MBTPS1: variants seen among roughly 807,000 people sequenced by gnomAD.
MBTPS1 encodes membrane-bound transcription factor site-1 protease.
In MBTPS1, 94 loss-of-function variants were observed where a neutral mutation model predicts 127.8. That is an observed-to-expected ratio of 0.74 (90% confidence interval 0.62 to 0.87). The LOEUF (loss-of-function observed/expected upper bound fraction) is 0.87, where lower values mean the gene tolerates loss of function less well. MBTPS1 is among the 40% of genes least tolerant of loss of function. The pLI is 0.00. For synonymous variants in MBTPS1, 632 were observed against 509.4 expected (o/e 1.24, Z -3.24); for missense variants, 1,636 against 1,353.2 (o/e 1.21, Z -3.28).
At chr16:84,110,628 A>C (rs1270746943) in intron 1 of MBTPS1, 1 of 152,186 alleles carries the variant, frequency 6.6e-6, no homozygotes, top group Non-Finnish European at 1.5e-5. Flanking sequence ...GTCTGCAAAT[A>C]TTAACTAATT....
chr16:84,073,343 A>C (rs1480179433), intron 12 of MBTPS1, among the ~76,000 whole-genome samples: 1 of 152,138 alleles, frequency 6.6e-6, no homozygotes, highest in Non-Finnish European at 1.5e-5. Context: ...CATGTTTGCC[A>C]GGATGGTCTC....
intron 1 of MBTPS1, 28 bp downstream of exon 1, chr16:84,116,707 G>C (rs144357905): frequency 6.6e-6 from 1 of 152,026 alleles, no homozygotes; most frequent in South Asian, 2.1e-4. Flanking sequence ...AGCGGGTCGG[G>C]GAGGCCGCGC....
At chr16:84,106,472 G>C (rs147436288) in intron 1 of MBTPS1, among the ~76,000 whole-genome samples, 1 of 152,332 alleles carries the variant, frequency 6.6e-6, no homozygotes, top group East Asian at 1.9e-4. Context: ...ACAGGATCCA[G>C]GCAGTGGGAA....
chr16:84,092,154 C>G (rs1398722288), intron 6 of MBTPS1, among the ~76,000 whole-genome samples: 2 of 152,160 alleles, frequency 1.3e-5, no homozygotes, highest in African/African-American at 4.8e-5. Flanking sequence ...CCCAAGCTCC[C>G]AACCGCCCCT....
chr16:84,113,214 T>C (rs1384607255), intron 1 of MBTPS1, among the ~76,000 whole-genome samples: 1 of 152,238 alleles, frequency 6.6e-6, no homozygotes, highest in Non-Finnish European at 1.5e-5. Flanking sequence ...TTATCATTTG[T>C]AATATCACTT....
intron 3 of MBTPS1, among the ~76,000 whole-genome samples, chr16:84,097,836 T>TTGTGTGTGTG (rs1567499373): frequency 2.3e-5 from 2 of 85,248 alleles, no homozygotes; most frequent in Non-Finnish European, 5.1e-5. Flanking sequence ...AAACTTCTCT[T>TTGTGTGTGTG]CGTGTGTGTG....
intron 19 of MBTPS1, 174 bp from the exon 20 acceptor site, chr16:84,060,987 G>A (rs2085602886): frequency 1.5e-5 from 8 of 522,762 alleles, no homozygotes; most frequent in Non-Finnish European, 2.7e-5. Flanking sequence ...GCACATGACA[G>A]CATGCCCGGC....
In MBTPS1 at chr16:84,090,923, T is replaced by A; in HGVS notation, c.983A>T (p.Asn328Ile). Reference protein sequence around the residue: ...FVDKVWELTANNVIMVSAIGN... With the variant: ...FVDKVWELTAINVIMVSAIGN... ...AATAGCAGAAACCATGATTACATTGTTAGCTGTTAATTCCCACACCTACAA... is the reference window on the plus strand; with the variant it reads ...AATAGCAGAAACCATGATTACATTGATAGCTGTTAATTCCCACACCTACAA... Residue 328 changes from asparagine (N) to isoleucine (I), a missense_variant, in exon 8 of 23, where the codon AAC (asparagine) becomes ATC (isoleucine). By Grantham distance (149) the Asn-to-Ile change is moderately radical. Transcript: ENST00000343411. 1 of 1,613,210 alleles carries A rather than the reference T, an allele frequency of 6.2e-7. No homozygotes were observed. The highest frequency in any genetic ancestry group is 1.1e-5 in the South Asian group (1 of 91,020).
chr16:84,070,663 G>A lies in MBTPS1; in HGVS notation c.1707C>T (p.Thr569=), dbSNP rs757339156. 6 of 1,613,918 alleles carry A rather than the reference G, an allele frequency of 3.7e-6. No homozygotes were observed. The highest frequency in any genetic ancestry group is 5.1e-6 in the Non-Finnish European group (6 of 1,179,980). The stretch of plus-strand genomic sequence containing the variant: ...TGCCTTCCCAGGAAGCCGCTTTCTT[G>A]GTCACAGAAATGGAGATGGCCAGGT... ...SGYLAISISV[T]KKAASWEGIA... The change falls in exon 13 of 23, where the codon ACC becomes ACT. Residue 569 remains threonine (T), a synonymous_variant. Coordinates refer to ENST00000343411, the MANE Select transcript of MBTPS1 (RefSeq NM_003791.4).
chr16:84,083,656 T>C (rs1255781406), intron 10 of MBTPS1, among the ~76,000 whole-genome samples: 2 of 152,298 alleles, frequency 1.3e-5, no homozygotes, highest in South Asian at 4.1e-4. Context: ...GAAATCAATA[T>C]TCAATTTACT....
At chr16:84,085,241 G>C (rs1448977662) in intron 9 of MBTPS1, 107 bp from the exon 10 acceptor site, 12 of 1,127,654 alleles carry the variant, frequency 1.1e-5, no homozygotes, top group Middle Eastern at 2.2e-4. Context: ...GTTAAAAACT[G>C]TATAACCTTA....
chr16:84,063,525 G>C lies in MBTPS1; in HGVS notation c.2432-80C>G, dbSNP rs528092317. ...TTATTTCCTGATATTTCATCCACGTGACAAATAAACCACATTTACAAAATC... is the reference window on the plus strand; with the variant it reads ...TTATTTCCTGATATTTCATCCACGTCACAAATAAACCACATTTACAAAATC... On this transcript the variant is annotated intron_variant, in intron 18 of 22. Coordinates refer to ENST00000343411, the MANE Select transcript of MBTPS1 (RefSeq NM_003791.4). 1.6e-5 allele frequency: 22 copies of C among 1,345,524 alleles called. No homozygotes were observed. In the African/African-American group the frequency reaches 2.0e-4, roughly 12 times the overall value. The allele number at this position is 1,345,524 out of a possible 1,614,324, so 83.3% of individuals were successfully genotyped here. A position where few individuals can be genotyped will look rare whatever the true frequency, so the allele number is the denominator to read the frequency against.
chr16:84,066,667 A>G, intron 16 of MBTPS1, 54 bp from the exon 17 acceptor site: 1 of 1,565,982 alleles, frequency 6.4e-7, no homozygotes, highest in Non-Finnish European at 8.7e-7. Context: ...CACTCCATAC[A>G]CAGTTATTTA....
rs1234088868 is a variant in MBTPS1 at position 84,091,780 on chromosome 16, G to A, written c.915C>T (p.Asn305=). ...YAILKKIDVL[N]LSIGGPDFMD... Reference sequence around the variant, plus strand: ...TGAAGTCCGGGCCGCCGATGCTGAGGTTTAACACGTCGATCTTCTTTAAAA... The same window carrying A: ...TGAAGTCCGGGCCGCCGATGCTGAGATTTAACACGTCGATCTTCTTTAAAA... The change falls in exon 7 of 23, where the codon AAC becomes AAT. Residue 305 remains asparagine (N), a synonymous_variant. Coordinates refer to ENST00000343411, the MANE Select transcript of MBTPS1 (RefSeq NM_003791.4). 14 of 1,614,148 alleles carry A rather than the reference G, an allele frequency of 8.7e-6. No individual in the cohort carries two copies. The highest frequency in any genetic ancestry group is 2.2e-5 in the East Asian group (1 of 44,878).
In MBTPS1 at chr16:84,067,619, T is replaced by A. The variant is rs201017641; in HGVS notation, c.2228+48A>T. On this transcript the variant is annotated intron_variant, in intron 16 of 22. Coordinates refer to ENST00000343411, the MANE Select transcript of MBTPS1 (RefSeq NM_003791.4). The stretch of plus-strand genomic sequence containing the variant: ...CACTTAAGTATTTGCTGGGTAGAAT[T>A]TGATTCCCCAAAAGTCTTATCCAAA... 1.5e-3 allele frequency: 2,144 copies of A among 1,426,694 alleles called. 36 individuals are homozygous for A. The South Asian group carries it at 0.022, about 15-fold the overall frequency. The allele number at this position is 1,426,694 out of a possible 1,614,324, so 88.4% of individuals were successfully genotyped here.
In MBTPS1 at chr16:84,068,885, C is replaced by T. The variant is rs369494868; in HGVS notation, c.1956-431G>A. Among the ~76,000 whole-genome samples, 505 of 152,332 alleles carry T rather than the reference C, an allele frequency of 3.3e-3. 4 individuals carry two copies. Among genetic ancestry groups the T allele is most frequent in the African/African-American group, 0.011 (471 of 41,574 alleles). ...ACAGCGGCACAGCTAACTGATATCA[C>T]TGCCACTGGTCAACTTTCCATCCCC... On this transcript the variant is annotated intron_variant, in intron 14 of 22. Coordinates refer to ENST00000343411, the MANE Select transcript of MBTPS1 (RefSeq NM_003791.4).
chr16:84,054,702 CT>C, intron 22 of MBTPS1, 57 bp from the exon 23 acceptor site: 3 of 1,366,966 alleles, frequency 2.2e-6, no homozygotes, highest in African/African-American at 1.5e-5. Context: ...CCATGACGGC[CT>C]TTTTCTATGA....
At position 84,096,617 on chromosome 16, in the gene MBTPS1, G is replaced by C. The variant is rs181478620; in HGVS notation, c.422-812C>G. Among the ~76,000 whole-genome samples the C allele has an allele frequency of 5.0e-4, 76 of 152,314 alleles. 2 individuals are homozygous for C. Among genetic ancestry groups the C allele is most frequent in the African/African-American group, 1.7e-3 (70 of 41,554 alleles). ...AATCAGTTTTAAGAAGAGAAAATCT[G>C]TAATACCAATACAGTTCTCTTTCTA... On this transcript the variant is annotated intron_variant, in intron 3 of 22. Coordinates refer to ENST00000343411, the MANE Select transcript of MBTPS1 (RefSeq NM_003791.4).
intron 19 of MBTPS1, among the ~76,000 whole-genome samples, chr16:84,062,123 TTTA>T (rs1343277932): frequency 9.2e-5 from 14 of 152,250 alleles, no homozygotes; most frequent in Non-Finnish European, 1.0e-4. Flanking sequence ...TTAATTTTAT[TTTA>T]TTATTATTTT....
Sources: allele counts gnomAD v4.1 joint callset (sites outside exome capture counted in the v4.1 genomes callset), GRCh38; gene constraint gnomAD v4.1.1; transcripts MANE v1.5; gene names NCBI Gene and HGNC (gene_info 2026-07-23, HGNC 2026-07-21).